AR: variants seen among roughly 807,000 people sequenced by gnomAD.
AR encodes the protein androgen receptor, also known as dihydrotestosterone receptor.
In AR, 8 loss-of-function variants were observed where a neutral mutation model predicts 53.9. The ratio of observed to expected loss-of-function variants is 0.15; its 90% confidence interval spans 0.09 to 0.27. AR has a LOEUF of 0.27. Ranked by LOEUF, AR falls within the 10% of genes least tolerant of loss-of-function variation. The pLI, the probability that AR is intolerant of heterozygous loss-of-function variation, is 1.00. For missense variants in AR, 639 were observed against 742.5 expected, an observed-to-expected ratio of 0.86 and a Z score of 1.62; for synonymous variants, 359 against 316.4, an observed-to-expected ratio of 1.13 and a Z score of -1.43.
In AR at chrX:67,546,351, C is replaced by G; in HGVS notation, c.1205C>G (p.Ala402Gly). ...GACTACGGCAGCGCCTGGGCGGCTG[C>G]GGCGGCGCAGTGCCGCTATGGGGAC... ...PLDYGSAWAA[A>G]AAQCRYGDLA... The change falls in exon 1 of 8, where the codon GCG becomes GGG. Residue 402 changes from alanine (A) to glycine (G), a missense_variant. Transcript: ENST00000374690. The G allele has an allele frequency of 8.4e-7, 1 of 1,186,607 alleles. No homozygotes were observed. The highest frequency in any genetic ancestry group is 1.1e-6 in the Non-Finnish European group (1 of 883,664).
At chrX:67,665,003 G>A (rs904457253) in intron 2 of AR, among the ~76,000 whole-genome samples, 4 of 112,694 alleles carry the variant, frequency 3.5e-5, no homozygotes, top group Admixed American at 1.9e-4. Flanking sequence ...GATTTTCCAG[G>A]TGCCATCTGT....
At chrX:67,627,497 ATTTG>A (rs908242752) in intron 1 of AR, among the ~76,000 whole-genome samples, 6 of 111,002 alleles carry the variant, frequency 5.4e-5, no homozygotes, top group African/African-American at 1.6e-4. Context: ...TTTCTTGTAA[ATTTG>A]TTTGAGTTCA....
rs199771080 is a variant in AR at position 67,592,649 on chromosome X, C to CT, written c.1616+45899dup. On this transcript the variant is annotated intron_variant, in intron 1 of 7. Coordinates refer to ENST00000374690, the MANE Select transcript of AR (RefSeq NM_000044.6). Reference sequence around the variant, plus strand: ...GGAATATTCCCAGAAAAAAAAAAAACTTTTTTTTTTTTAAAATCTACTAAG... The same window carrying CT: ...GGAATATTCCCAGAAAAAAAAAAAACTTTTTTTTTTTTTAAAATCTACTAAG... Among the ~76,000 whole-genome samples the CT allele has an allele frequency of 7.5e-3, 662 of 88,341 alleles. 6 individuals are homozygous for CT. Among genetic ancestry groups the CT allele is most frequent in the East Asian group, 0.034 (88 of 2,552 alleles). 76.7% of individuals were successfully genotyped at this position (88,341 alleles called of 115,157 possible).
chrX:67,658,994 G>A (rs1453231872), intron 2 of AR, among the ~76,000 whole-genome samples: 1 of 111,424 alleles, frequency 9.0e-6, no homozygotes, highest in Non-Finnish European at 1.9e-5. Flanking sequence ...CACTGAGATG[G>A]TTTGGGGATT....
intron 1 of AR, among the ~76,000 whole-genome samples, chrX:67,580,193 G>T (rs955790424): frequency 9.1e-6 from 1 of 109,652 alleles, no homozygotes; most frequent in Non-Finnish European, 1.9e-5. Flanking sequence ...TCTCCAGGGG[G>T]AATTTACTGC....
intron 1 of AR, among the ~76,000 whole-genome samples, chrX:67,583,833 T>G (rs918985677): frequency 4.5e-5 from 5 of 111,959 alleles, no homozygotes; most frequent in Admixed American, 9.5e-5. Context: ...GGCCAGAATT[T>G]AGGAATACAC....
rs189736835 is a variant in AR at position 67,635,583 on chromosome X, G to A, written c.1617-7673G>A. Among the ~76,000 whole-genome samples the A allele has an allele frequency of 4.7e-3, 510 of 108,095 alleles. 4 individuals carry two copies. The highest frequency in any genetic ancestry group is 0.016 in the African/African-American group (481 of 29,876). 93.9% of individuals were successfully genotyped at this position (108,095 alleles called of 115,157 possible). ...AGGAGATAAAAAGGAAAGGAGTCAGGGAGAGAGAGAGAGAGAGAGAAACCT... is the reference window on the plus strand; with the variant it reads ...AGGAGATAAAAAGGAAAGGAGTCAGAGAGAGAGAGAGAGAGAGAGAAACCT... On this transcript the variant is annotated intron_variant, in intron 1 of 7. Coordinates refer to ENST00000374690, the MANE Select transcript of AR (RefSeq NM_000044.6).
chrX:67,723,669 CTT>C lies in AR; in HGVS notation c.2608-16_2608-15del. 2 of 1,209,632 alleles carry C rather than the reference CTT, an allele frequency of 1.7e-6. No individual in the cohort carries two copies. Among genetic ancestry groups the C allele is most frequent in the Admixed American group, 4.4e-5 (2 of 45,917 alleles). ...CCTTGTCAACCCTGTTTTTCTCCCT[CTT>C]ATTGTTCCCTACAGATTGCGAGAGA... On this transcript the variant is annotated splice_polypyrimidine_tract_variant and intron_variant, in intron 7 of 7. Transcript: ENST00000374690.
intron 1 of AR, among the ~76,000 whole-genome samples, chrX:67,558,940 G>C (rs1473966025): frequency 1.8e-5 from 2 of 112,061 alleles, no homozygotes; most frequent in Non-Finnish European, 3.8e-5. Flanking sequence ...CACAAGATTA[G>C]AGAACAAGTA....
chrX:67,574,466 C>T (rs1326334042), intron 1 of AR, among the ~76,000 whole-genome samples: 1 of 110,741 alleles, frequency 9.0e-6, no homozygotes, highest in East Asian at 2.9e-4. Context: ...AGTCTCTGTG[C>T]TCCCCGTTTT....
intron 1 of AR, among the ~76,000 whole-genome samples, chrX:67,611,937 A>G (rs1474113296): frequency 9.0e-6 from 1 of 111,655 alleles, no homozygotes; most frequent in African/African-American, 3.2e-5. Flanking sequence ...AATAAAATAC[A>G]TACTTAAGCA....
intron 1 of AR, among the ~76,000 whole-genome samples, chrX:67,558,843 A>C (rs1921171393): frequency 8.9e-6 from 1 of 112,267 alleles, no homozygotes; most frequent in Admixed American, 9.5e-5. Flanking sequence ...TAATTCATTT[A>C]ATCCTCAAAA....
At chrX:67,557,096 C>T (rs1042611788) in intron 1 of AR, among the ~76,000 whole-genome samples, 6 of 109,162 alleles carry the variant, frequency 5.5e-5, no homozygotes, top group Admixed American at 9.8e-5. Context: ...ATATATTATA[C>T]GTTTGTTTGT....
chrX:67,616,907 G>A (rs17217069), intron 1 of AR, among the ~76,000 whole-genome samples: 2,638 of 111,229 alleles, frequency 0.024, 42 homozygotes, highest in Middle Eastern at 0.041. Context: ...GATCTCATGA[G>A]CACAGAGCAT....
At chrX:67,614,285 G>A (rs1366882796) in intron 1 of AR, among the ~76,000 whole-genome samples, 2 of 111,677 alleles carry the variant, frequency 1.8e-5, no homozygotes, top group Admixed American at 1.9e-4. Context: ...ATCCGAGCCT[G>A]AGGCAAAAGG....
At chrX:67,706,194 G>A (rs745647015) in intron 3 of AR, among the ~76,000 whole-genome samples, 1 of 111,581 alleles carries the variant, frequency 9.0e-6, no homozygotes, top group Non-Finnish European at 1.9e-5. Context: ...TCTTTTTCTA[G>A]TGATTGGAAT....
At chrX:67,717,444 A>G (rs2076118031) in intron 4 of AR, 34 bp from the exon 5 acceptor site, 8 of 1,209,805 alleles carry the variant, frequency 6.6e-6, no homozygotes, top group Non-Finnish European at 8.9e-6. Flanking sequence ...GTCAGTACCC[A>G]GACTGACCAC....
chrX:67,688,512 C>T (rs747667745), intron 3 of AR, among the ~76,000 whole-genome samples: 8 of 111,427 alleles, frequency 7.2e-5, no homozygotes, highest in African/African-American at 2.6e-4. Flanking sequence ...CAGCACTTCC[C>T]GATGGCTTTT....
chrX:67,694,150 G>A (rs1012583763), intron 3 of AR, among the ~76,000 whole-genome samples: 6 of 111,585 alleles, frequency 5.4e-5, no homozygotes, highest in African/African-American at 1.6e-4. Flanking sequence ...TTAGTGAGCT[G>A]TTAGGCACAC....
Sources: gnomAD v4.1 joint callset for allele counts (sites outside exome capture counted in the v4.1 genomes callset) on GRCh38, gnomAD v4.1.1 for gene constraint, MANE v1.5 for transcripts, NCBI Gene and HGNC (gene_info 2026-07-23, HGNC 2026-07-21) for gene names.